Variants in CIP2A observed in about 807,000 individuals in gnomAD.
The protein encoded by CIP2A is cellular inhibitor of PP2A.
Under a neutral mutation model 110.9 loss-of-function variants are expected in CIP2A, and 103 were observed. The observed-to-expected ratio is 0.93, with a 90% CI of 0.79 to 1.09. CIP2A has a LOEUF of 1.09. Ranked by LOEUF, CIP2A falls within the 50% of genes least tolerant of loss-of-function variation. The pLI is 0.00. For missense variants in CIP2A, 1,088 were observed against 1,038.4 expected, an observed-to-expected ratio of 1.05 and a Z score of -0.66; for synonymous variants, 381 against 361.6, an observed-to-expected ratio of 1.05 and a Z score of -0.61.
chr3:108,587,318 T>A (rs776033414), intron 1 of CIP2A, among the ~76,000 whole-genome samples: 3 of 152,130 alleles, frequency 2.0e-5, no homozygotes, highest in Non-Finnish European at 2.9e-5. Flanking sequence ...GGTACACTTA[T>A]ACAATAGAAT....
Position 108,585,222 on chromosome 3 carries a change from A to T in CIP2A, c.103-10T>A. 2 of 1,594,242 alleles carry T rather than the reference A, an allele frequency of 1.3e-6. No individual in the cohort carries two copies. The highest frequency in any genetic ancestry group is 2.3e-5 in the South Asian group (2 of 88,116). ...TCTGTCCAGAAATTACCTATAAAAT[A>T]GTAATCAAAATGTGTTGGTTAAGCG... On this transcript the variant is annotated splice_polypyrimidine_tract_variant and intron_variant, in intron 1 of 20. Coordinates refer to ENST00000295746, the MANE Select transcript of CIP2A (RefSeq NM_020890.3).
At chr3:108,560,607 A>G in intron 14 of CIP2A, 42 bp downstream of exon 14, 1 of 1,227,222 alleles carries the variant, frequency 8.1e-7, no homozygotes, top group Non-Finnish European at 1.2e-6. Flanking sequence ...ACTGACATAT[A>G]GCTAATATGT....
chr3:108,568,437 C>T, intron 9 of CIP2A, 123 bp from the exon 10 acceptor site: 1 of 665,224 alleles, frequency 1.5e-6, no homozygotes, highest in Non-Finnish European at 2.4e-6. Flanking sequence ...TGCCATTGAC[C>T]TAAGTCTCCT....
At chr3:108,583,650 CA>C (rs1938958984) in intron 2 of CIP2A, among the ~76,000 whole-genome samples, 1 of 151,864 alleles carries the variant, frequency 6.6e-6, no homozygotes, top group African/African-American at 2.4e-5. Context: ...GAGATGAAGA[CA>C]GATTGATTAA....
intron 11 of CIP2A, among the ~76,000 whole-genome samples, chr3:108,566,239 C>G (rs1938176407): frequency 6.6e-6 from 1 of 151,454 alleles, no homozygotes; most frequent in South Asian, 2.1e-4. Context: ...GTTCAGAACC[C>G]TTAGATAATT....
chr3:108,580,790 G>A (rs1400902938), intron 5 of CIP2A, among the ~76,000 whole-genome samples: 1 of 151,960 alleles, frequency 6.6e-6, no homozygotes, highest in Non-Finnish European at 1.5e-5. Flanking sequence ...CACCACGCCT[G>A]GCTAATTTTT....
rs563701488 is a variant in CIP2A at position 108,576,859 on chromosome 3, G to A, written c.819-513C>T. Among the ~76,000 whole-genome samples the A allele has an allele frequency of 2.0e-5, 3 of 152,144 alleles. No individual in the cohort carries two copies. The South Asian group carries it at 6.2e-4, about 32-fold the overall frequency. On this transcript the variant is annotated intron_variant, in intron 7 of 20. Coordinates refer to ENST00000295746, the MANE Select transcript of CIP2A (RefSeq NM_020890.3). ...TAGCATTATATTCTATGTGACTGAT[G>A]TATCCTAGATTTGGGAGATGGTGCC...
intron 13 of CIP2A, among the ~76,000 whole-genome samples, chr3:108,562,112 T>A (rs946538527): frequency 6.6e-6 from 1 of 152,206 alleles, no homozygotes; most frequent in Admixed American, 6.6e-5. Flanking sequence ...GAATTTTGGT[T>A]ATATGTTCTC....
chr3:108,557,167 G>C (rs759429728), intron 17 of CIP2A, 51 bp downstream of exon 17: 1 of 1,168,080 alleles, frequency 8.6e-7, no homozygotes, highest in Non-Finnish European at 1.2e-6. Flanking sequence ...AAGAAATGCT[G>C]CATGTTCATT....
Position 108,566,484 on chromosome 3 carries a change from T to TTTA in CIP2A, c.1415+10_1415+12dup. On this transcript the variant is annotated intron_variant, in intron 11 of 20. Coordinates refer to ENST00000295746, the MANE Select transcript of CIP2A (RefSeq NM_020890.3). The stretch of plus-strand genomic sequence containing the variant: ...CTGCCTTGCCATTTTGTCATTAGAG[T>TTTA]TTATATACTCACCATAATTCAGAAT... 1 of 1,598,640 alleles carries TTTA rather than the reference T, an allele frequency of 6.3e-7. No individual in the cohort carries two copies. Among genetic ancestry groups the TTTA allele is most frequent in the Non-Finnish European group, 8.5e-7 (1 of 1,173,134 alleles).
chr3:108,556,533 A>G (rs1937806678), intron 17 of CIP2A, among the ~76,000 whole-genome samples: 1 of 152,174 alleles, frequency 6.6e-6, no homozygotes, highest in Admixed American at 6.6e-5. Flanking sequence ...GTGCTCCAAA[A>G]TATTAAACTT....
At position 108,575,855 on chromosome 3, in the gene CIP2A, T is replaced by A. The variant is rs1210708626; in HGVS notation, c.894+416A>T. On this transcript the variant is annotated intron_variant, in intron 8 of 20. Coordinates refer to ENST00000295746, the MANE Select transcript of CIP2A (RefSeq NM_020890.3). Reference sequence around the variant, plus strand: ...ACGTGTATATATACTCATATACATGTGTATATACACGTATATATACTCATA... The same window carrying A: ...ACGTGTATATATACTCATATACATGAGTATATACACGTATATATACTCATA... Among the ~76,000 whole-genome samples, 8 of 112,226 alleles carry A rather than the reference T, an allele frequency of 7.1e-5. 2 individuals are homozygous for A. Among genetic ancestry groups the A allele is most frequent in the Non-Finnish European group, 1.0e-4 (5 of 49,524 alleles). The allele number at this position is 112,226 out of a possible 152,430, so 73.6% of individuals were successfully genotyped here. A position where few individuals can be genotyped will look rare whatever the true frequency, so the allele number is the denominator to read the frequency against.
chr3:108,588,962 G>GA (rs1490214116), intron 1 of CIP2A, among the ~76,000 whole-genome samples: 1 of 152,178 alleles, frequency 6.6e-6, no homozygotes, highest in East Asian at 1.9e-4. Context: ...TGGTTTCGTA[G>GA]AAAAACCAAA....
intron 1 of CIP2A, among the ~76,000 whole-genome samples, chr3:108,587,186 A>G (rs941737712): frequency 6.6e-6 from 1 of 152,184 alleles, no homozygotes; most frequent in African/African-American, 2.4e-5. Flanking sequence ...TTCTACTCCT[A>G]AGTATATAAA....
At chr3:108,570,422 G>T (rs1028676104) in intron 8 of CIP2A, among the ~76,000 whole-genome samples, 10 of 152,082 alleles carry the variant, frequency 6.6e-5, no homozygotes, top group Non-Finnish European at 1.3e-4. Context: ...GTCACTTAGT[G>T]ATGCATATGT....
chr3:108,557,145 C>G (rs1261656281), intron 17 of CIP2A, 73 bp downstream of exon 17: 4 of 924,918 alleles, frequency 4.3e-6, no homozygotes, highest in Non-Finnish European at 4.8e-6. Context: ...AAAGGATTTT[C>G]GGGTCTCAGA....
chr3:108,585,616 T>C (rs1246979213), intron 1 of CIP2A: 16 of 451,578 alleles, frequency 3.5e-5, no homozygotes, highest in Non-Finnish European at 5.8e-5. Flanking sequence ...ATCTGCACTC[T>C]AGTACCAATA....
chr3:108,563,328 G>C, intron 12 of CIP2A, 84 bp from the exon 13 acceptor site: 1 of 786,314 alleles, frequency 1.3e-6, no homozygotes. Context: ...GTAAATATAT[G>C]TAAATCTTAA....
intron 18 of CIP2A, among the ~76,000 whole-genome samples, 165 bp from the exon 19 acceptor site, chr3:108,553,895 A>C (rs1428610041): frequency 1.7e-5 from 1 of 58,064 alleles, no homozygotes; most frequent in Non-Finnish European, 3.1e-5. Context: ...TACTAAAAAT[A>C]TAAAAAAAAA....
Sources: allele counts gnomAD v4.1 joint callset (sites outside exome capture counted in the v4.1 genomes callset), GRCh38; gene constraint gnomAD v4.1.1; transcripts MANE v1.5; gene names NCBI Gene and HGNC (gene_info 2026-07-23, HGNC 2026-07-21).